SYTL5: variants seen among roughly 807,000 people sequenced by gnomAD.
The protein encoded by SYTL5 is synaptotagmin like 5, also known as synaptotagmin-like protein 5.
Under a neutral mutation model 55.9 loss-of-function variants are expected in SYTL5, and 34 were observed. That is an observed-to-expected ratio of 0.61 (90% CI 0.46 to 0.81). The LOEUF is 0.81. Ranked by LOEUF, SYTL5 falls within the 30% of genes least tolerant of loss-of-function variation. SYTL5 has a pLI of 0.00. For missense variants in SYTL5, 637 were observed against 546.7 expected, an observed-to-expected ratio of 1.17 and a Z score of -1.65; for synonymous variants, 221 against 188.7, an observed-to-expected ratio of 1.17 and a Z score of -1.40.
intron 12 of SYTL5, 145 bp from the exon 13 acceptor site, chrX:38,110,175 AG>A: frequency 2.6e-6 from 1 of 381,324 alleles, no homozygotes; most frequent in Non-Finnish European, 4.3e-6. Flanking sequence ...GCAGAAACAA[AG>A]AAAAACAAAG....
chrX:37,937,916 G>T, the SYTL5 span, among the ~76,000 whole-genome samples: 1 of 112,437 alleles, frequency 8.9e-6, no homozygotes, highest in African/African-American at 3.2e-5. Flanking sequence ...TTGCATATGT[G>T]ATACAGGTTT....
intron 3 of SYTL5, among the ~76,000 whole-genome samples, chrX:38,068,596 A>G (rs1209496519): frequency 8.9e-6 from 1 of 112,458 alleles, no homozygotes; most frequent in Non-Finnish European, 1.9e-5. Flanking sequence ...CTATGCAGTC[A>G]TAAAAATAAT....
chrX:38,113,115 G>A (rs1937399596), intron 13 of SYTL5, among the ~76,000 whole-genome samples: 1 of 111,982 alleles, frequency 8.9e-6, no homozygotes. Flanking sequence ...CTGGTGCAGA[G>A]AAAGAACTCA....
intron 1 of SYTL5, among the ~76,000 whole-genome samples, chrX:38,032,683 T>C (rs1482902719): frequency 2.7e-5 from 3 of 111,295 alleles, no homozygotes; most frequent in Non-Finnish European, 5.6e-5. Context: ...TTCACATATA[T>C]ATGTATATAT....
chrX:37,890,094 C>T, the SYTL5 span, among the ~76,000 whole-genome samples: 2 of 109,733 alleles, frequency 1.8e-5, no homozygotes, highest in African/African-American at 6.7e-5. Context: ...TTCCTGGGCC[C>T]TGAAGCATGG....
the SYTL5 span, among the ~76,000 whole-genome samples, chrX:37,907,369 A>G: frequency 8.9e-6 from 1 of 112,063 alleles, no homozygotes; most frequent in Non-Finnish European, 1.9e-5. Context: ...ATAGAAAAGA[A>G]CCCTCCTTGA....
chrX:37,906,214 C>T, the SYTL5 span: 1 of 112,028 alleles, frequency 8.9e-6, no homozygotes, highest in African/African-American at 3.2e-5. Context: ...GTCTTCCAGC[C>T]TGTGTCTGTC....
chrX:38,105,450 G>A (rs779865786), intron 10 of SYTL5, among the ~76,000 whole-genome samples: 27 of 112,479 alleles, frequency 2.4e-4, no homozygotes, highest in African/African-American at 8.4e-4. Flanking sequence ...GTGACAACAC[G>A]AAGTGGGGAG....
intron 3 of SYTL5, among the ~76,000 whole-genome samples, chrX:38,071,562 GAT>G (rs1171812307): frequency 2.7e-5 from 3 of 111,717 alleles, no homozygotes; most frequent in African/African-American, 9.8e-5. Flanking sequence ...TCATCACAGA[GAT>G]CTGATCATAA....
intron 6 of SYTL5, among the ~76,000 whole-genome samples, chrX:38,081,206 C>G (rs2147460781): frequency 9.0e-6 from 1 of 111,354 alleles, no homozygotes; most frequent in East Asian, 2.8e-4. Flanking sequence ...CTCAGCCCTC[C>G]TTAGGAGGAG....
intron 2 of SYTL5, among the ~76,000 whole-genome samples, chrX:38,044,450 T>C (rs1317783924): frequency 1.8e-5 from 2 of 112,241 alleles, no homozygotes; most frequent in Non-Finnish European, 3.8e-5. Context: ...ACTTCAGTTA[T>C]ACATTTATAA....
the SYTL5 span, among the ~76,000 whole-genome samples, chrX:37,932,228 C>T: frequency 9.0e-6 from 1 of 111,201 alleles, no homozygotes. Context: ...CAGCTGAGTC[C>T]CAGAGAAGGA....
intron 1 of SYTL5, among the ~76,000 whole-genome samples, chrX:38,016,992 C>CT (rs1934373674): frequency 8.9e-6 from 1 of 112,292 alleles, no homozygotes; most frequent in South Asian, 3.7e-4. Flanking sequence ...TCCTCTTAGA[C>CT]ATCCATCTTG....
At chrX:38,123,376 G>C (rs1937593120) in intron 15 of SYTL5, among the ~76,000 whole-genome samples, 1 of 111,444 alleles carries the variant, frequency 9.0e-6, no homozygotes, top group South Asian at 3.8e-4. Flanking sequence ...TGATCTGCCT[G>C]CCTCGGCCTC....
intron 6 of SYTL5, among the ~76,000 whole-genome samples, chrX:38,084,252 G>C (rs1441984832): frequency 1.8e-5 from 2 of 112,329 alleles, no homozygotes; most frequent in Non-Finnish European, 3.8e-5. Context: ...GGTACACACA[G>C]GGAGGGCATG....
At chrX:38,070,701 A>G (rs1019381308) in intron 3 of SYTL5, among the ~76,000 whole-genome samples, 1 of 111,590 alleles carries the variant, frequency 9.0e-6, no homozygotes, top group Non-Finnish European at 1.9e-5. Flanking sequence ...GTAGTTACAT[A>G]GTCCTATTTA....
chrX:38,070,631 G>T (rs1323666490), intron 3 of SYTL5, among the ~76,000 whole-genome samples: 1 of 110,712 alleles, frequency 9.0e-6, no homozygotes, highest in Non-Finnish European at 1.9e-5. Flanking sequence ...TCAAATATTT[G>T]ACCCCAAATC....
At chrX:37,966,444 T>TC in the SYTL5 span, among the ~76,000 whole-genome samples, 1 of 98,255 alleles carries the variant, frequency 1.0e-5, no homozygotes, top group Non-Finnish European at 2.1e-5. Context: ...TTCTTTTTTT[T>TC]TTTTTTTTTT....
At chrX:38,111,229 G>T (rs1257198369) in intron 13 of SYTL5, among the ~76,000 whole-genome samples, 1 of 111,690 alleles carries the variant, frequency 9.0e-6, no homozygotes, top group South Asian at 3.8e-4. Context: ...AAACTTACTT[G>T]GTTCTATCCT....
Sources: allele counts gnomAD v4.1 joint callset (sites outside exome capture counted in the v4.1 genomes callset), GRCh38; gene constraint gnomAD v4.1.1; transcripts MANE v1.5; gene names NCBI Gene and HGNC (gene_info 2026-07-23, HGNC 2026-07-21).